Variants in SPTLC3 observed in about 807,000 individuals in gnomAD.
SPTLC3 encodes serine palmitoyltransferase long chain base subunit 3, also known as serine palmitoyltransferase 3.
A neutral mutation model predicts 59.3 loss-of-function variants in SPTLC3; 36 were observed. The ratio of observed to expected loss-of-function variants is 0.61; its 90% confidence interval spans 0.47 to 0.80. The LOEUF is 0.80. Ranked by LOEUF, SPTLC3 falls within the 30% of genes least tolerant of loss-of-function variation. The pLI, the probability that SPTLC3 is intolerant of heterozygous loss-of-function variation, is 0.00. For synonymous variants in SPTLC3, 257 were observed against 240.8 expected (o/e 1.07, Z -0.62); for missense variants, 625 against 685.1 (o/e 0.91, Z 0.98).
chr20:13,107,491 A>G (rs1600288460), intron 6 of SPTLC3, among the ~76,000 whole-genome samples: 2 of 152,232 alleles, frequency 1.3e-5, no homozygotes, highest in East Asian at 3.8e-4. Context: ...CAAGTAGAAC[A>G]AGAACTGAAG....
chr20:13,116,976 A>G (rs1332625723), intron 7 of SPTLC3, among the ~76,000 whole-genome samples: 3 of 152,226 alleles, frequency 2.0e-5, no homozygotes, highest in African/African-American at 7.2e-5. Flanking sequence ...GGTATTGAAC[A>G]AGAGGTCTCA....
chr20:13,128,253 A>T (rs903231283), intron 9 of SPTLC3, among the ~76,000 whole-genome samples: 8 of 152,246 alleles, frequency 5.3e-5, no homozygotes, highest in African/African-American at 1.9e-4. Context: ...TGTAGGAAGC[A>T]TCCTTATGAC....
intron 4 of SPTLC3, among the ~76,000 whole-genome samples, chr20:13,087,011 G>C (rs1172816300): frequency 6.6e-6 from 1 of 152,016 alleles, no homozygotes. Context: ...GGCCAGGCTG[G>C]TCTCAGACTC....
intron 8 of SPTLC3, among the ~76,000 whole-genome samples, chr20:13,121,065 C>T (rs1262825593): frequency 6.6e-6 from 1 of 152,188 alleles, no homozygotes; most frequent in Non-Finnish European, 1.5e-5. Context: ...TATTTTTATT[C>T]TTTCACATTT....
Position 13,091,161 on chromosome 20 carries a change from T to C in SPTLC3, c.686T>C (p.Met229Thr), listed in dbSNP as rs745754371. The change falls in exon 5 of 12, where the codon ATG (methionine) becomes ACG (threonine). Residue 229 changes from methionine to threonine, a missense_variant. Met to Thr is a moderately conservative substitution (Grantham distance 81). Coordinates refer to ENST00000399002, the MANE Select transcript of SPTLC3 (RefSeq NM_018327.4). ...LNVEAAMVFG[M>T]GFATNSMNIP... The stretch of plus-strand genomic sequence containing the variant: ...GTGGAAGCAGCTATGGTCTTTGGGA[T>C]GGGATTCGCAACTAACTCAATGAAT... 3.7e-6 allele frequency: 6 copies of C among 1,613,972 alleles called. No homozygotes were observed. The highest frequency in any genetic ancestry group is 5.1e-6 in the Non-Finnish European group (6 of 1,179,908).
intron 2 of SPTLC3, among the ~76,000 whole-genome samples, chr20:13,058,011 G>A (rs1329413375): frequency 6.6e-6 from 1 of 152,042 alleles, no homozygotes; most frequent in African/African-American, 2.4e-5. Context: ...TGCAAAATCC[G>A]ATATAACATG....
At chr20:13,011,561 C>T (rs567894481) in intron 1 of SPTLC3, among the ~76,000 whole-genome samples, 9 of 152,198 alleles carry the variant, frequency 5.9e-5, no homozygotes, top group Admixed American at 2.0e-4. Flanking sequence ...TACTATTAGG[C>T]GGTGCTCATG....
chr20:13,149,609 C>A (rs1330916552), intron 9 of SPTLC3, among the ~76,000 whole-genome samples: 1 of 152,218 alleles, frequency 6.6e-6, no homozygotes, highest in Non-Finnish European at 1.5e-5. Flanking sequence ...GTGGCAACCA[C>A]AAAGTGTGTC....
chr20:13,060,635 C>G (rs1427218201), intron 2 of SPTLC3, among the ~76,000 whole-genome samples: 1 of 115,794 alleles, frequency 8.6e-6, no homozygotes, highest in Non-Finnish European at 1.6e-5. Flanking sequence ...TCCAGTGTCT[C>G]TTATTTTACT....
At chr20:13,099,462 T>C (rs73257294) in intron 6 of SPTLC3, among the ~76,000 whole-genome samples, 11,176 of 152,284 alleles carry the variant, frequency 0.073, 1,173 homozygotes, top group African/African-American at 0.23. Flanking sequence ...TCTAACTTCT[T>C]ACAGCAGCAA....
chr20:13,056,166 G>A (rs183783872), intron 2 of SPTLC3, among the ~76,000 whole-genome samples: 3 of 152,214 alleles, frequency 2.0e-5, no homozygotes, highest in East Asian at 1.9e-4. Flanking sequence ...TGCTCGAACC[G>A]CCCCACAGGA....
chr20:13,129,119 G>A (rs1289277344), intron 9 of SPTLC3, among the ~76,000 whole-genome samples: 1 of 151,836 alleles, frequency 6.6e-6, no homozygotes, highest in Non-Finnish European at 1.5e-5. Flanking sequence ...TGCCTGCCTC[G>A]GCCTCCCAAA....
intron 7 of SPTLC3, among the ~76,000 whole-genome samples, chr20:13,113,456 C>T (rs896548198): frequency 6.6e-6 from 1 of 151,966 alleles, no homozygotes; most frequent in Non-Finnish European, 1.5e-5. Context: ...GAGCAGTCAG[C>T]CAAATCAGAA....
chr20:13,063,415 A>T (rs191862470), intron 2 of SPTLC3, among the ~76,000 whole-genome samples: 7 of 152,104 alleles, frequency 4.6e-5, no homozygotes, highest in Admixed American at 1.3e-4. Context: ...ATGTGGAAAC[A>T]TTTATGTTTT....
rs1600196367 is a variant in SPTLC3 at position 13,009,191 on chromosome 20, C to T, written c.-77C>T. ...TCAGCCCCAAAGAGCTTTATCCCATCCCCTCGCAGACTGAAAACTAAAGCC... is the reference window on the plus strand; with the variant it reads ...TCAGCCCCAAAGAGCTTTATCCCATTCCCTCGCAGACTGAAAACTAAAGCC... On this transcript the variant is annotated 5_prime_UTR_variant, in exon 1 of 12. Transcript: ENST00000399002. 8.7e-7 allele frequency: 1 copy of T among 1,144,110 alleles called. No individual in the cohort carries two copies. The highest frequency in any genetic ancestry group is 2.3e-5 in the East Asian group (1 of 42,624). The allele number at this position is 1,144,110 out of a possible 1,614,324, so 70.9% of individuals were successfully genotyped here. A position where few individuals can be genotyped will look rare whatever the true frequency, so the allele number is the denominator to read the frequency against.
rs1026035242 is a variant in SPTLC3 at position 13,091,267 on chromosome 20, G to T, written c.732+60G>T. 1.4e-5 allele frequency: 22 copies of T among 1,579,536 alleles called. No individual in the cohort carries two copies. In the African/African-American group the frequency reaches 2.8e-4, roughly 20 times the overall value. ...TTACTCCTAAGAACTGTAACTCTGA[G>T]TAGGTCCTTGTTAGAAGTATGGCTG... On this transcript the variant is annotated intron_variant, in intron 5 of 11. Coordinates refer to ENST00000399002, the MANE Select transcript of SPTLC3 (RefSeq NM_018327.4).
At chr20:13,077,254 ACTTT>A (rs1314782101) in intron 4 of SPTLC3, among the ~76,000 whole-genome samples, 1 of 150,784 alleles carries the variant, frequency 6.6e-6, no homozygotes, top group African/African-American at 2.4e-5. Context: ...AGTTACTATT[ACTTT>A]ATGTATTTTA....
chr20:13,110,634 C>T (rs1990178609), intron 7 of SPTLC3, among the ~76,000 whole-genome samples: 1 of 152,124 alleles, frequency 6.6e-6, no homozygotes, highest in Non-Finnish European at 1.5e-5. Context: ...ACGCCCAACC[C>T]CCAGCTGCTT....
intron 8 of SPTLC3, among the ~76,000 whole-genome samples, chr20:13,125,818 T>C (rs985987017): frequency 5.9e-5 from 9 of 152,328 alleles, no homozygotes; most frequent in African/African-American, 1.9e-4. Flanking sequence ...CTCTGCCATA[T>C]ATTACTGAAC....
Sources: allele counts gnomAD v4.1 joint callset (sites outside exome capture counted in the v4.1 genomes callset), GRCh38; gene constraint gnomAD v4.1.1; transcripts MANE v1.5; gene names NCBI Gene and HGNC (gene_info 2026-07-23, HGNC 2026-07-21).